FBXO8: variants seen among roughly 807,000 people sequenced by gnomAD.
FBXO8 encodes the protein F-box protein 8, also known as F-box only protein 8.
FBXO8 carries 15 observed loss-of-function variants against 33.4 expected under a neutral mutation model. The observed-to-expected ratio is 0.45, with a 90% CI of 0.30 to 0.69. The LOEUF (loss-of-function observed/expected upper bound fraction) is 0.69. FBXO8 is among the 30% of genes least tolerant of loss of function. The pLI is 0.08. For synonymous variants in FBXO8, 132 were observed against 131.5 expected, an observed-to-expected ratio of 1.00 and a Z score of -0.02; for missense variants, 274 against 380.3, an observed-to-expected ratio of 0.72 and a Z score of 2.32.
rs1040469824 is a variant in FBXO8 at position 174,254,855 on chromosome 4, G to C, written c.456+4844C>G. 6.6e-6 allele frequency among the ~76,000 whole-genome samples: 1 copy of C among 151,776 alleles called. No individual in the cohort carries two copies. Among genetic ancestry groups the C allele is most frequent in the Non-Finnish European group, 1.5e-5 (1 of 67,932 alleles). ...TCAGATAACTGCAAGTGAACAACAGGGTATTTCAACCATTCTAAAATATTT... is the reference window on the plus strand; with the variant it reads ...TCAGATAACTGCAAGTGAACAACAGCGTATTTCAACCATTCTAAAATATTT... On this transcript the variant is annotated intron_variant, in intron 3 of 5. Transcript: ENST00000393674. The surrounding 1 kb of genome is among the most constrained non-coding windows in gnomAD (Gnocchi z 4.2).
At chr4:174,258,303 G>T (rs927840390) in intron 3 of FBXO8, among the ~76,000 whole-genome samples, 3 of 151,988 alleles carry the variant, frequency 2.0e-5, no homozygotes, top group African/African-American at 7.2e-5. Context: ...ATAATAAAAG[G>T]CATGAGAAAA....
chr4:174,264,155 T>C (rs948053777), intron 1 of FBXO8, among the ~76,000 whole-genome samples: 6 of 152,292 alleles, frequency 3.9e-5, no homozygotes, highest in East Asian at 1.9e-4. Flanking sequence ...ATCATTAAAA[T>C]AGTCAAATAA....
At position 174,254,157 on chromosome 4, in the gene FBXO8, T is replaced by G. The variant is rs1736362972; in HGVS notation, c.456+5542A>C. On this transcript the variant is annotated intron_variant, in intron 3 of 5. Transcript: ENST00000393674. The surrounding 1 kb of genome is among the most constrained non-coding windows in gnomAD (Gnocchi z 4.2). ...GAACATGCTGAGTCGAGCAGCATAA[T>G]GAAGGGTGCTGAGAACTCAATTCTT... Among the ~76,000 whole-genome samples, 1 of 152,222 alleles carries G rather than the reference T, an allele frequency of 6.6e-6. No homozygotes were observed. Among genetic ancestry groups the G allele is most frequent in the Admixed American group, 6.5e-5 (1 of 15,280 alleles).
intron 3 of FBXO8, among the ~76,000 whole-genome samples, chr4:174,250,967 G>A (rs922213531): frequency 6.6e-6 from 1 of 151,894 alleles, no homozygotes; most frequent in African/African-American, 2.4e-5. Flanking sequence ...GTATCAAGAG[G>A]GTCAGGTAGT....
chr4:174,238,210 G>C (rs1735932997), intron 5 of FBXO8, among the ~76,000 whole-genome samples: 1 of 151,914 alleles, frequency 6.6e-6, no homozygotes, highest in Non-Finnish European at 1.5e-5. Flanking sequence ...TTAGGGAAAA[G>C]ACTGCTACAC....
rs536920338 is a variant in FBXO8 at position 174,248,185 on chromosome 4, C to T, written c.457-6967G>A. 1.3e-4 allele frequency among the ~76,000 whole-genome samples: 20 copies of T among 152,110 alleles called. No homozygotes were observed. The East Asian group carries it at 3.7e-3, about 28-fold the overall frequency. On this transcript the variant is annotated intron_variant, in intron 3 of 5. Transcript: ENST00000393674. ...AATGTTTTCTGCTTTCTGTAATTTTCCATGACCTTCTATGTTTAACACTGA... is the reference window on the plus strand; with the variant it reads ...AATGTTTTCTGCTTTCTGTAATTTTTCATGACCTTCTATGTTTAACACTGA...
In FBXO8 at chr4:174,259,380, C is replaced by A. The variant is rs976149443; in HGVS notation, c.456+319G>T. 2.0e-5 allele frequency among the ~76,000 whole-genome samples: 3 copies of A among 151,960 alleles called. No homozygotes were observed. Among genetic ancestry groups the A allele is most frequent in the African/African-American group, 7.2e-5 (3 of 41,396 alleles). ...TGCTGCAGATAAAATCTGATGAACA[C>A]ACTCTGTGTTCTTATTATCAAATTT... On this transcript the variant is annotated intron_variant, in intron 3 of 5. Transcript: ENST00000393674. This position sits in a 1 kb window ranked among gnomAD's most constrained non-coding sequence, Gnocchi z 4.3.
Position 174,270,249 on chromosome 4 carries a change from C to T in FBXO8, c.-8-7149G>A, listed in dbSNP as rs774410379. Reference sequence around the variant, plus strand: ...TTATTATCATAGCTTACATTTCAAACTTAACTTTCTGTTCCTAAAGTCCTA... The same window carrying T: ...TTATTATCATAGCTTACATTTCAAATTTAACTTTCTGTTCCTAAAGTCCTA... On this transcript the variant is annotated intron_variant, in intron 1 of 5. Transcript: ENST00000393674. The surrounding 1 kb of genome is among the most constrained non-coding windows in gnomAD (Gnocchi z 4.6). Among the ~76,000 whole-genome samples, 10 of 152,174 alleles carry T rather than the reference C, an allele frequency of 6.6e-5. No individual in the cohort carries two copies. Among genetic ancestry groups the T allele is most frequent in the Non-Finnish European group, 1.3e-4 (9 of 68,024 alleles).
chr4:174,243,139 T>A (rs1268168001), intron 3 of FBXO8, among the ~76,000 whole-genome samples: 3 of 151,574 alleles, frequency 2.0e-5, no homozygotes, highest in Non-Finnish European at 3.0e-5. Context: ...CATGTAAACA[T>A]CATAAAAATA....
At position 174,278,652 on chromosome 4, in the gene FBXO8, T is replaced by C. The variant is rs1025339185; in HGVS notation, c.-9+4758A>G. Among the ~76,000 whole-genome samples the C allele has an allele frequency of 3.3e-5, 5 of 152,088 alleles. No homozygotes were observed. The highest frequency in any genetic ancestry group is 9.7e-5 in the African/African-American group (4 of 41,446). On this transcript the variant is annotated intron_variant, in intron 1 of 5. Coordinates refer to ENST00000393674, the MANE Select transcript of FBXO8 (RefSeq NM_012180.3). The surrounding 1 kb of genome is among the most constrained non-coding windows in gnomAD (Gnocchi z 4.1). ...TTAAAGTGGCTGTAATCAGCTGTAGTCATGGTAGCATATCCTAACCCACCT... is the reference window on the plus strand; with the variant it reads ...TTAAAGTGGCTGTAATCAGCTGTAGCCATGGTAGCATATCCTAACCCACCT...
intron 5 of FBXO8, among the ~76,000 whole-genome samples, chr4:174,238,065 G>A (rs914619246): frequency 6.6e-6 from 1 of 151,864 alleles, no homozygotes; most frequent in Non-Finnish European, 1.5e-5. Context: ...TAATTTGAGA[G>A]CATCTTTAAT....
chr4:174,280,629 C>T (rs1737059719), intron 1 of FBXO8, among the ~76,000 whole-genome samples: 1 of 152,034 alleles, frequency 6.6e-6, no homozygotes, highest in Admixed American at 6.5e-5. Flanking sequence ...ATGTGGCTGA[C>T]ACATATAAGG....
chr4:174,266,128 G>C lies in FBXO8; in HGVS notation c.-8-3028C>G, dbSNP rs576748694. Among the ~76,000 whole-genome samples the C allele has an allele frequency of 2.0e-5, 3 of 152,164 alleles. No homozygotes were observed. In the East Asian group the frequency reaches 5.8e-4, roughly 29 times the overall value. On this transcript the variant is annotated intron_variant, in intron 1 of 5. Transcript: ENST00000393674. The stretch of plus-strand genomic sequence containing the variant: ...CTGTTGCTAGGGAACAAAGAATCAG[G>C]GTGATTTCCCTAGGCTCCGGACTTT...
chr4:174,261,138 GAAT>G lies in FBXO8; in HGVS notation c.330-1316_330-1314del, dbSNP rs1194695967. Among the ~76,000 whole-genome samples the G allele has an allele frequency of 2.0e-5, 3 of 151,878 alleles. No individual in the cohort carries two copies. The highest frequency in any genetic ancestry group is 7.2e-5 in the African/African-American group (3 of 41,478). On this transcript the variant is annotated intron_variant, in intron 2 of 5. Transcript: ENST00000393674. This position sits in a 1 kb window ranked among gnomAD's most constrained non-coding sequence, Gnocchi z 4.1. ...AACTGTAAGTATAAAAAATTGTTTA[GAAT>G]ATTATCAATATTTTTTCAGTCTTAT...
At chr4:174,258,165 C>T (rs1469887457) in intron 3 of FBXO8, among the ~76,000 whole-genome samples, 1 of 152,126 alleles carries the variant, frequency 6.6e-6, no homozygotes, top group East Asian at 1.9e-4. Context: ...GTAAGTGCAG[C>T]AGAATCTCTT....
In FBXO8 at chr4:174,255,619, A is replaced by G. The variant is rs1324890354; in HGVS notation, c.456+4080T>C. On this transcript the variant is annotated intron_variant, in intron 3 of 5. Transcript: ENST00000393674. This position sits in a 1 kb window ranked among gnomAD's most constrained non-coding sequence, Gnocchi z 4.3. ...AAAAAAAACTTGTTATCTGACCCCA[A>G]TGAGGATATTTAAAACAAAAACTGT... Among the ~76,000 whole-genome samples the G allele has an allele frequency of 6.6e-6, 1 of 152,004 alleles. No homozygotes were observed. Among genetic ancestry groups the G allele is most frequent in the African/African-American group, 2.4e-5 (1 of 41,420 alleles).
intron 1 of FBXO8, among the ~76,000 whole-genome samples, chr4:174,266,644 T>C (rs1391011947): frequency 6.6e-6 from 1 of 152,078 alleles, no homozygotes; most frequent in African/African-American, 2.4e-5. Flanking sequence ...GGGAGTATAG[T>C]GGTATGGGTT....
rs765228648 is a variant in FBXO8 at position 174,239,049 on chromosome 4, T to C, written c.717A>G (p.Ser239=). Residue 239 remains serine (S), a synonymous_variant, in exon 5 of 6, where the codon TCA becomes TCG. Coordinates refer to ENST00000393674, the MANE Select transcript of FBXO8 (RefSeq NM_012180.3). ...EYLETLITKF[S]HRFCACNPDL... ...CAGGGTTGCAAGCACAGAATCTATG[T>C]GAGAACTTTGTTATAAGAGTTTCAA... 1 of 1,606,088 alleles carries C rather than the reference T, an allele frequency of 6.2e-7. No homozygotes were observed. The highest frequency in any genetic ancestry group is 8.5e-7 in the Non-Finnish European group (1 of 1,175,560).
In FBXO8 at chr4:174,255,056, G is replaced by A. The variant is rs935813565; in HGVS notation, c.456+4643C>T. Among the ~76,000 whole-genome samples, 23 of 152,152 alleles carry A rather than the reference G, an allele frequency of 1.5e-4. No homozygotes were observed. Among genetic ancestry groups the A allele is most frequent in the African/African-American group, 5.3e-4 (22 of 41,518 alleles). The stretch of plus-strand genomic sequence containing the variant: ...TCACGATGTACATCAAAGTATTAAC[G>A]GCTTTGAAAAGTTAGGCTGTAAATA... On this transcript the variant is annotated intron_variant, in intron 3 of 5. Transcript: ENST00000393674. The surrounding 1 kb of genome is among the most constrained non-coding windows in gnomAD (Gnocchi z 4.3).
Sources: gnomAD v4.1 joint callset for allele counts (sites outside exome capture counted in the v4.1 genomes callset) on GRCh38, gnomAD v4.1.1 for gene constraint, Gnocchi (gnomAD v3.1) non-coding constraint, MANE v1.5 for transcripts, NCBI Gene and HGNC (gene_info 2026-07-23, HGNC 2026-07-21) for gene names.